ABR: variants seen among roughly 807,000 people sequenced by gnomAD.
ABR encodes the protein ABR activator of RhoGEF and GTPase.
Under a neutral mutation model 107.2 loss-of-function variants are expected in ABR, and 35 were observed. The ratio of observed to expected loss-of-function variants is 0.33; its 90% CI spans 0.25 to 0.43. The LOEUF is 0.43. ABR is among the 20% of genes least tolerant of loss of function. ABR has a pLI of 1.00. For synonymous variants in ABR, 498 were observed against 462.0 expected, an observed-to-expected ratio of 1.08 and a Z score of -1.00; for missense variants, 815 against 1,115.2, an observed-to-expected ratio of 0.73 and a Z score of 3.83.
At chr17:1,170,498 G>A (rs564614054) in intron 1 of ABR, among the ~76,000 whole-genome samples, 6 of 152,238 alleles carry the variant, frequency 3.9e-5, no homozygotes, top group South Asian at 2.1e-4. Context: ...GTGCAACAGC[G>A]TGATCTCAGG....
chr17:1,151,719 A>ACTTCAACTCTCTGG (rs2040801819), intron 1 of ABR, among the ~76,000 whole-genome samples: 1 of 152,210 alleles, frequency 6.6e-6, no homozygotes, highest in South Asian at 2.1e-4. Context: ...TGGGCAGGTC[A>ACTTCAACTCTCTGG]CTTCAACTCT....
At chr17:1,112,914 G>T (rs12938684) in intron 2 of ABR, among the ~76,000 whole-genome samples, 47,104 of 120,404 alleles carry the variant, frequency 0.39, 8,615 homozygotes, top group Middle Eastern at 0.54. Flanking sequence ...CAATCAGCAA[G>T]CATTTGTTAA....
intron 1 of ABR, among the ~76,000 whole-genome samples, chr17:1,141,577 C>A (rs1304850643): frequency 2.6e-5 from 4 of 152,158 alleles, no homozygotes; most frequent in African/African-American, 4.8e-5. Flanking sequence ...CAGCTATTAT[C>A]ATTATTCCCC....
upstream of ABR, among the ~76,000 whole-genome samples, chr17:1,188,845 C>G (rs1269393775): frequency 6.6e-6 from 1 of 152,250 alleles, no homozygotes; most frequent in South Asian, 2.1e-4. Flanking sequence ...CAGCTGCCTT[C>G]ACAAGGGAAG....
intron 9 of ABR, among the ~76,000 whole-genome samples, chr17:1,068,558 G>C (rs1193220682): frequency 6.6e-6 from 1 of 152,250 alleles, no homozygotes; most frequent in East Asian, 1.9e-4. Flanking sequence ...CCGTGAGAAG[G>C]GGTGTGCTTG....
intron 4 of ABR, among the ~76,000 whole-genome samples, chr17:1,087,737 TCTTGCCCCCTTTCCCACAAGAA>T (rs2036710245): frequency 6.6e-6 from 1 of 152,042 alleles, no homozygotes; most frequent in Non-Finnish European, 1.5e-5. Flanking sequence ...AAAAGGCTCC[TCTTGCCCCCTTTCCCACAAGAA>T]GGAGAAAGCC....
rs1354893539 is a variant in ABR, at chr17:1,005,592, G to C, written c.*488C>G. On this transcript the variant is annotated 3_prime_UTR_variant, in exon 23 of 23. Transcript: ENST00000302538. ...ACATGCATGCAGGCAGGCTGGGAAG[G>C]AAGAGCGGGTGGAGGAAGACTGAGG... 1.0e-5 allele frequency: 2 copies of C among 194,244 alleles called. No homozygotes were observed. Among genetic ancestry groups the C allele is most frequent in the African/African-American group, 4.7e-5 (2 of 42,624 alleles). The allele number at this position is 194,244 out of a possible 1,614,324, so 12.0% of individuals were successfully genotyped here.
chr17:1,170,556 C>T (rs901721296), intron 1 of ABR, among the ~76,000 whole-genome samples: 39 of 152,158 alleles, frequency 2.6e-4, no homozygotes, highest in African/African-American at 8.4e-4. Context: ...CCTACCTCAG[C>T]CTCCCGAGTA....
intron 10 of ABR, among the ~76,000 whole-genome samples, chr17:1,061,788 C>T (rs897655608): frequency 2.0e-5 from 3 of 152,222 alleles, no homozygotes; most frequent in Admixed American, 2.0e-4. Context: ...CTCAAGTGAC[C>T]CACCCGTCTC....
chr17:1,073,265 T>A (rs1204542477), intron 7 of ABR, among the ~76,000 whole-genome samples: 4 of 149,222 alleles, frequency 2.7e-5, no homozygotes, highest in Non-Finnish European at 4.4e-5. Context: ...GCCACAGTCA[T>A]ACTCTCTCCC....
chr17:1,048,585 CGT>C (rs1257439031), intron 16 of ABR, among the ~76,000 whole-genome samples: 6 of 133,828 alleles, frequency 4.5e-5, no homozygotes, highest in African/African-American at 1.1e-4. Context: ...GCCTGGATCA[CGT>C]CCGGGGCCAC....
At chr17:1,213,345 C>T (rs981228469) in intron 1 of ABR, among the ~76,000 whole-genome samples, 34 of 152,200 alleles carry the variant, frequency 2.2e-4, no homozygotes, top group Admixed American at 2.2e-3. Flanking sequence ...GTTTAGGTGA[C>T]TAAGCAGGTA....
At chr17:1,099,362 C>A (rs1335007333) in intron 3 of ABR, among the ~76,000 whole-genome samples, 5 of 152,162 alleles carry the variant, frequency 3.3e-5, no homozygotes, top group African/African-American at 1.2e-4. Context: ...GGCACTGAGC[C>A]ACGGCGCCCG....
chr17:1,158,001 G>C (rs913999337), intron 1 of ABR, among the ~76,000 whole-genome samples: 1 of 152,206 alleles, frequency 6.6e-6, no homozygotes, highest in African/African-American at 2.4e-5. Context: ...ATGTACGTAT[G>C]TGTGTCGCGT....
At chr17:1,044,162 G>C (rs371247976) in intron 16 of ABR, among the ~76,000 whole-genome samples, 2 of 151,472 alleles carry the variant, frequency 1.3e-5, no homozygotes, top group African/African-American at 4.8e-5. Flanking sequence ...CAGGAGCCAG[G>C]GCAGACTACG....
At position 1,198,460 on chromosome 17, in the gene ABR, C is replaced by T. The variant is rs556072880; in HGVS notation, c.838+30333G>A. On this transcript the variant is annotated intron_variant, in intron 1 of 22. Coordinates refer to the ABR transcript ENST00000574139. ...TTCTGCAATCAAAGCTGCCTGGTTC[C>T]GGCCAGGCACAGTGGCTCAAACCTA... Among the ~76,000 whole-genome samples, 3 of 151,588 alleles carry T rather than the reference C, an allele frequency of 2.0e-5. No homozygotes were observed. In the South Asian group the frequency reaches 6.2e-4, roughly 31 times the overall value.
rs530919865 is a variant in ABR at position 1,196,139 on chromosome 17, A to T, written c.838+32654T>A. ...GCGAGATTCTGTCTCAAAAAAAAAA[A>T]AAAAAATAGGCAAGGTGCGGTGGCT... On this transcript the variant is annotated intron_variant, in intron 1 of 22. Coordinates refer to the ABR transcript ENST00000574139. Among the ~76,000 whole-genome samples the T allele has an allele frequency of 5.5e-4, 83 of 150,354 alleles. 2 individuals are homozygous for T. Among genetic ancestry groups the T allele is most frequent in the African/African-American group, 2.0e-3 (81 of 40,296 alleles).
At chr17:1,121,325 G>T (rs945547635) in intron 2 of ABR, among the ~76,000 whole-genome samples, 2 of 152,268 alleles carry the variant, frequency 1.3e-5, no homozygotes, top group African/African-American at 4.8e-5. Flanking sequence ...GCAAAAGCAG[G>T]TTCGGTCATG....
chr17:1,101,959 T>C (rs2037920625), intron 2 of ABR, among the ~76,000 whole-genome samples: 1 of 152,080 alleles, frequency 6.6e-6, no homozygotes, highest in Admixed American at 6.6e-5. Flanking sequence ...GGTCTCGATC[T>C]CCTGACCTCG....
Sources: allele counts gnomAD v4.1 joint callset (sites outside exome capture counted in the v4.1 genomes callset), GRCh38; gene constraint gnomAD v4.1.1; transcripts MANE v1.5; gene names NCBI Gene and HGNC (gene_info 2026-07-23, HGNC 2026-07-21).